Variants in BLTP2 observed in about 807,000 individuals in gnomAD.
BLTP2 encodes the protein U937-associated antigen.
chr17:28,617,811 G>A, the BLTP2 span, among the ~76,000 whole-genome samples: 1 of 152,010 alleles, frequency 6.6e-6, no homozygotes, highest in Non-Finnish European at 1.5e-5. Context: ...CCAGGCTGAA[G>A]TGCAGTGACA....
chr17:28,641,809 A>T, the BLTP2 span: 1 of 1,220,392 alleles, frequency 8.2e-7, no homozygotes, highest in Non-Finnish European at 1.2e-6. Context: ...CTAAATAAGC[A>T]GTGAGACCAC....
the BLTP2 span, chr17:28,635,443 A>G: frequency 3.1e-6 from 5 of 1,614,166 alleles, no homozygotes; most frequent in Non-Finnish European, 4.2e-6. Context: ...ACGGCCTTCT[A>G]GCTCAGAAGT....
At chr17:28,624,383 G>A in the BLTP2 span, 1 of 1,612,224 alleles carries the variant, frequency 6.2e-7, no homozygotes, top group Non-Finnish European at 8.5e-7. Context: ...TCTGCAACAT[G>A]TAAGCACCTG....
the BLTP2 span, chr17:28,628,455 C>G: frequency 6.2e-7 from 1 of 1,614,148 alleles, no homozygotes; most frequent in South Asian, 1.1e-5. Context: ...CATCATATAA[C>G]CCAAAGGCAA....
the BLTP2 span, among the ~76,000 whole-genome samples, chr17:28,625,907 G>T: frequency 1.3e-5 from 2 of 152,152 alleles, no homozygotes; most frequent in African/African-American, 4.8e-5. Context: ...TGGGATTACA[G>T]GCACACACCA....
the BLTP2 span, chr17:28,614,459 A>C: frequency 4.5e-6 from 2 of 442,508 alleles, no homozygotes; most frequent in Non-Finnish European, 7.5e-6. Flanking sequence ...AATTTAAAAT[A>C]TCTTTTTTTT....
At chr17:28,624,055 C>G in the BLTP2 span, 1 of 1,416,906 alleles carries the variant, frequency 7.1e-7, no homozygotes, top group Non-Finnish European at 9.8e-7. Context: ...AGGTCTAATG[C>G]TGGCTTACCA....
At chr17:28,635,665 A>C in the BLTP2 span, 1 of 1,533,726 alleles carries the variant, frequency 6.5e-7, no homozygotes, top group African/African-American at 1.4e-5. Flanking sequence ...AACAGTAGAG[A>C]TGGCAAGGAT....
the BLTP2 span, among the ~76,000 whole-genome samples, chr17:28,618,177 C>A: frequency 6.6e-6 from 1 of 152,124 alleles, no homozygotes; most frequent in Non-Finnish European, 1.5e-5. Flanking sequence ...AGGTGATGCA[C>A]CTGCCTCGGC....
chr17:28,639,865 C>T, the BLTP2 span: 1 of 1,612,222 alleles, frequency 6.2e-7, no homozygotes, highest in African/African-American at 1.3e-5. Flanking sequence ...CTAGTCCTCC[C>T]ATTCTCGCTC....
chr17:28,615,904 A>T, the BLTP2 span: 5 of 1,236,774 alleles, frequency 4.0e-6, no homozygotes, highest in African/African-American at 5.9e-5. Flanking sequence ...TACAATAGTA[A>T]CCTACAGATA....
the BLTP2 span, chr17:28,618,650 G>T: frequency 2.2e-5 from 14 of 623,528 alleles, no homozygotes; most frequent in Non-Finnish European, 3.3e-5. Context: ...TGATTAATGA[G>T]CTCGTTAATA....
the BLTP2 span, chr17:28,641,769 T>G: frequency 2.2e-6 from 2 of 910,452 alleles, no homozygotes; most frequent in Non-Finnish European, 3.4e-6. Flanking sequence ...ATCCTTAGGG[T>G]CAAAGTCCAT....
At chr17:28,620,856 AGAG>A in the BLTP2 span, 1 of 997,606 alleles carries the variant, frequency 1.0e-6, no homozygotes, top group Non-Finnish European at 1.5e-6. Context: ...TACAAAAAGT[AGAG>A]CAAAGTGAAA....
At chr17:28,626,450 G>A in the BLTP2 span, among the ~76,000 whole-genome samples, 1 of 152,198 alleles carries the variant, frequency 6.6e-6, no homozygotes, top group South Asian at 2.1e-4. Flanking sequence ...CCTAAGTGAT[G>A]TCTTTTTGTG....
the BLTP2 span, chr17:28,621,057 C>T: frequency 6.2e-7 from 1 of 1,614,200 alleles, no homozygotes; most frequent in Non-Finnish European, 8.5e-7. Context: ...ATCTGAGTTG[C>T]TAGTTCAGGA....
the BLTP2 span, among the ~76,000 whole-genome samples, chr17:28,619,479 A>G: frequency 8.5e-5 from 13 of 152,078 alleles, no homozygotes. Context: ...AAAAAAAAAA[A>G]AAGTGATCCT....
At chr17:28,637,844 G>A in the BLTP2 span, 10 of 1,613,730 alleles carry the variant, frequency 6.2e-6, no homozygotes, top group East Asian at 6.7e-5. Context: ...ACCAACCAAG[G>A]CAGAAAGGGT....
chr17:28,634,103 G>T, the BLTP2 span: 1 of 1,609,068 alleles, frequency 6.2e-7, no homozygotes, highest in Non-Finnish European at 8.5e-7. Flanking sequence ...CCAGAGGAAG[G>T]GTACACACTG....
Sources: gnomAD v4.1 joint callset for allele counts (sites outside exome capture counted in the v4.1 genomes callset) on GRCh38, gnomAD v4.1.1 for gene constraint, MANE v1.5 for transcripts, NCBI Gene and HGNC (gene_info 2026-07-23, HGNC 2026-07-21) for gene names.